Variants in KCNH6 observed in about 807,000 individuals in gnomAD.
The protein encoded by KCNH6 is potassium voltage-gated channel subfamily H member 6, also known as voltage-gated inwardly rectifying potassium channel KCNH6.
In KCNH6, 81 loss-of-function variants were observed where a neutral mutation model predicts 83.4. The ratio of observed to expected loss-of-function variants is 0.97; its 90% CI spans 0.81 to 1.17. The LOEUF is 1.17. Ranked by LOEUF, KCNH6 falls within the 50% of genes most tolerant of loss-of-function variation. KCNH6 has a pLI of 0.00. For synonymous variants in KCNH6, 503 were observed against 545.6 expected (o/e 0.92, Z 1.09); for missense variants, 1,203 against 1,290.5 (o/e 0.93, Z 1.04).
At position 63,538,075 on chromosome 17, in the gene KCNH6, C is replaced by T. The variant is rs781089374; in HGVS notation, c.1512C>T (p.Tyr504=). Residue 504 remains tyrosine, a synonymous_variant, in exon 7 of 13, where the codon TAC becomes TAT. Coordinates refer to ENST00000314672, the MANE Select transcript of KCNH6 (RefSeq NM_001278919.2). This position sits in a 1 kb window ranked among gnomAD's most constrained non-coding sequence, Gnocchi z 4.0. ...ICVMLIGSLM[Y]ASIFGNVSAI... ...CCGCCCCGCCCCCAGCCCTGATGTACGCCAGCATCTTCGGGAACGTGTCCG... is the reference window on the plus strand; with the variant it reads ...CCGCCCCGCCCCCAGCCCTGATGTATGCCAGCATCTTCGGGAACGTGTCCG... 20 of 1,613,350 alleles carry T rather than the reference C, an allele frequency of 1.2e-5. No homozygotes were observed. The highest frequency in any genetic ancestry group is 1.7e-5 in the Admixed American group (1 of 59,996).
At position 63,533,783 on chromosome 17, in the gene KCNH6, A is replaced by G. The variant is rs2032276338; in HGVS notation, c.676-103A>G. ...CCCTCTGCCCACCAGAGCCGTGGTC[A>G]CCCACCCTCTCCCACTACACCTTCC... On this transcript the variant is annotated intron_variant, in intron 4 of 12. Transcript: ENST00000314672. This position sits in a 1 kb window ranked among gnomAD's most constrained non-coding sequence, Gnocchi z 4.1. 9.2e-7 allele frequency: 1 copy of G among 1,091,294 alleles called. No individual in the cohort carries two copies. The highest frequency in any genetic ancestry group is 1.3e-6 in the Non-Finnish European group (1 of 754,602). The allele number at this position is 1,091,294 out of a possible 1,614,324, so 67.6% of individuals were successfully genotyped here. A position where few individuals can be genotyped will look rare whatever the true frequency, so the allele number is the denominator to read the frequency against.
rs545899066 is a variant in KCNH6, at chr17:63,545,780, C to A, written c.2755C>A (p.Gln919Lys). ...CTCACCTCTACATCCCCTGGAAGTA[C>A]AAGGACTCATCTGTGGTCCCTGCTT... Reference protein sequence around the residue: ...LASPLHPLEVQGLICGPCFSS... With the variant: ...LASPLHPLEVKGLICGPCFSS... Residue 919 changes from glutamine to lysine, a missense_variant, in exon 13 of 13, where the codon CAA becomes AAA. By Grantham distance (53) the Gln-to-Lys change is moderately conservative. Transcript: ENST00000314672. 18 of 1,614,170 alleles carry A rather than the reference C, an allele frequency of 1.1e-5. No homozygotes were observed. In the South Asian group the frequency reaches 1.9e-4, roughly 17 times the overall value.
intron 8 of KCNH6, among the ~76,000 whole-genome samples, chr17:63,541,944 G>A (rs992850752): frequency 1.6e-4 from 25 of 152,338 alleles, no homozygotes; most frequent in Middle Eastern, 3.4e-3. Context: ...CTGTGCCAAA[G>A]AGTATGGGCT....
At chr17:63,525,625 C>T (rs1465341245) in intron 2 of KCNH6, among the ~76,000 whole-genome samples, 1 of 152,022 alleles carries the variant, frequency 6.6e-6, no homozygotes, top group African/African-American at 2.4e-5. Context: ...TGCAAGTTCA[C>T]GCCTGTGTGT....
At chr17:63,537,152 C>A (rs2032554992) in intron 6 of KCNH6, among the ~76,000 whole-genome samples, 1 of 151,980 alleles carries the variant, frequency 6.6e-6, no homozygotes, top group African/African-American at 2.4e-5. Context: ...AAGCAAGAAC[C>A]CAGGTAGTGC....
At chr17:63,545,001 A>G (rs947810253) in intron 11 of KCNH6, 77 bp from the exon 12 acceptor site, 64 of 1,423,422 alleles carry the variant, frequency 4.5e-5, no homozygotes, top group Non-Finnish European at 6.2e-5. Context: ...AACAGCACGC[A>G]GGCTACAAGA....
intron 6 of KCNH6, among the ~76,000 whole-genome samples, chr17:63,537,328 T>C (rs1305529519): frequency 6.6e-6 from 1 of 152,138 alleles, no homozygotes; most frequent in African/African-American, 2.4e-5. Context: ...TACACATAGA[T>C]TGAGTTGTGA....
downstream of KCNH6, among the ~76,000 whole-genome samples, chr17:63,548,035 G>T (rs1016702064): frequency 1.3e-5 from 2 of 152,040 alleles, 1 homozygote; most frequent in Non-Finnish European, 2.9e-5. Context: ...GGAGGCTGAG[G>T]TGGGCAGATC....
At chr17:63,541,967 T>C (rs1355629401) in intron 8 of KCNH6, among the ~76,000 whole-genome samples, 1 of 152,076 alleles carries the variant, frequency 6.6e-6, no homozygotes, top group Non-Finnish European at 1.5e-5. Context: ...AGGAGGGAGA[T>C]TCTGATGGAG....
At chr17:63,537,734 G>C (rs907507821) in intron 6 of KCNH6, among the ~76,000 whole-genome samples, 8 of 152,148 alleles carry the variant, frequency 5.3e-5, no homozygotes, top group Non-Finnish European at 1.2e-4. Flanking sequence ...ACCACACCCG[G>C]CGGAGAGTTT....
At chr17:63,544,608 G>C (rs1246184301) in intron 11 of KCNH6, among the ~76,000 whole-genome samples, 197 bp downstream of exon 11, 1 of 152,056 alleles carries the variant, frequency 6.6e-6, no homozygotes, top group Non-Finnish European at 1.5e-5. Flanking sequence ...GGAGCTTCTC[G>C]GGGGAGGGGC....
intron 2 of KCNH6, among the ~76,000 whole-genome samples, chr17:63,529,703 C>T (rs1488064305): frequency 6.6e-6 from 1 of 152,194 alleles, no homozygotes; most frequent in East Asian, 1.9e-4. Flanking sequence ...ATGGGAAGAG[C>T]GCCCAGGGCC....
rs138092319 is a variant in KCNH6 at position 63,545,625 on chromosome 17, A to G, written c.2600A>G (p.Asp867Gly). Residue 867 changes from aspartate (D) to glycine (G), a missense_variant, in exon 13 of 13, where the codon GAC (aspartate) becomes GGC (glycine). Physicochemically the swap from Asp to Gly is moderately conservative, Grantham distance 94 (BLOSUM62 -1). Coordinates refer to ENST00000314672, the MANE Select transcript of KCNH6 (RefSeq NM_001278919.2). ...LPPAQTPSYG[D>G]LDDCSPKHRN... The stretch of plus-strand genomic sequence containing the variant: ...TCCTCCCAGACCCCAAGCTATGGAG[A>G]CTTGGATGACTGTAGTCCAAAGCAC... The G allele has an allele frequency of 6.3e-4, 1,012 of 1,613,230 alleles. 1 individual carries two copies. Among genetic ancestry groups the G allele is most frequent in the Non-Finnish European group, 8.4e-4 (991 of 1,179,736 alleles).
In KCNH6 at chr17:63,538,485, C is replaced by T; in HGVS notation, c.1777C>T (p.Pro593Ser). 1 of 1,604,208 alleles carries T rather than the reference C, an allele frequency of 6.2e-7. No individual in the cohort carries two copies. The highest frequency in any genetic ancestry group is 1.3e-5 in the African/African-American group (1 of 74,792). Reference sequence around the variant, plus strand: ...GCACCGCGCACTGCTGCAGCACTGCCCAGCTTTCAGCGGCGCCGGCAAGGG... The same window carrying T: ...GCACCGCGCACTGCTGCAGCACTGCTCAGCTTTCAGCGGCGCCGGCAAGGG... Reference protein sequence around the residue: ...HLHRALLQHCPAFSGAGKGCL... With the variant: ...HLHRALLQHCSAFSGAGKGCL... Residue 593 changes from proline (P) to serine (S), a missense_variant, in exon 8 of 13, where the codon CCA becomes TCA. Transcript: ENST00000314672. This position sits in a 1 kb window ranked among gnomAD's most constrained non-coding sequence, Gnocchi z 4.0.
chr17:63,531,589 C>T (rs571514773), intron 4 of KCNH6, among the ~76,000 whole-genome samples: 69 of 152,356 alleles, frequency 4.5e-4, no homozygotes, highest in African/African-American at 1.5e-3. Context: ...GAAGACCACT[C>T]AGCACCTCAC....
intron 1 of KCNH6, 106 bp from the exon 2 acceptor site, chr17:63,524,033 T>C: frequency 1.3e-6 from 1 of 798,244 alleles, no homozygotes; most frequent in Admixed American, 1.8e-5. Context: ...GCCCTGCTCC[T>C]CTGCCTAAAT....
intron 10 of KCNH6, 47 bp from the exon 11 acceptor site, chr17:63,544,202 T>C: frequency 1.3e-6 from 2 of 1,599,202 alleles, no homozygotes; most frequent in Non-Finnish European, 1.7e-6. Context: ...GGGTCAGGCC[T>C]GTGGAACCAG....
chr17:63,541,413 C>T (rs1005205430), intron 8 of KCNH6, among the ~76,000 whole-genome samples: 7 of 151,700 alleles, frequency 4.6e-5, no homozygotes, highest in African/African-American at 9.7e-5. Flanking sequence ...CTCAGCCTCC[C>T]GAGTAGCTGG....
chr17:63,543,354 A>G (rs907964881), intron 9 of KCNH6, among the ~76,000 whole-genome samples: 1 of 151,624 alleles, frequency 6.6e-6, no homozygotes, highest in Non-Finnish European at 1.5e-5. Flanking sequence ...CCCAGCCATC[A>G]GGTGGCCAGA....
Sources: gnomAD v4.1 joint callset for allele counts (sites outside exome capture counted in the v4.1 genomes callset) on GRCh38, gnomAD v4.1.1 for gene constraint, Gnocchi (gnomAD v3.1) non-coding constraint, MANE v1.5 for transcripts, NCBI Gene and HGNC (gene_info 2026-07-23, HGNC 2026-07-21) for gene names.